CNOT1: variants seen among roughly 807,000 people sequenced by gnomAD.
CNOT1 encodes the protein CCR4-NOT transcription complex subunit 1.
A neutral mutation model predicts 273.8 loss-of-function variants in CNOT1; 15 were observed. That is an observed-to-expected ratio of 0.05 (90% CI 0.04 to 0.08). The LOEUF is 0.08. Ranked by LOEUF, CNOT1 falls within the 10% of genes least tolerant of loss-of-function variation. CNOT1 has a pLI of 1.00. For missense variants in CNOT1, 1,644 were observed against 2,912.2 expected (o/e 0.56, Z 10.02); for synonymous variants, 1,022 against 1,005.5 (o/e 1.02, Z -0.31).
chr16:58,520,649 T>TG lies in CNOT1; in HGVS notation c.*308dup, dbSNP rs1367325483. ...ATTACAAGGTACCAGTTTATGTACT[T>TG]GCCTTGGACACAGCTTGCACAAAGC... is the stretch of plus-strand genomic sequence containing the variant. On this transcript the variant is annotated 3_prime_UTR_variant, in exon 49 of 49. Transcript: ENST00000317147. 8 of 366,882 alleles carry TG rather than the reference T, an allele frequency of 2.2e-5. No homozygotes were observed. The highest frequency in any genetic ancestry group is 4.1e-5 in the Non-Finnish European group (8 of 196,126). The allele number at this position is 366,882 out of a possible 1,614,324, so 22.7% of individuals were successfully genotyped here. A position where few individuals can be genotyped will look rare whatever the true frequency, so the allele number is the denominator to read the frequency against.
Position 58,547,791 on chromosome 16 carries a change from T to C in CNOT1, c.3523-109A>G. On this transcript the variant is annotated intron_variant, in intron 25 of 48. Transcript: ENST00000317147. This position sits in a 1 kb window ranked among gnomAD's most constrained non-coding sequence, Gnocchi z 4.0. ...TATCCTAAAGACAAGTCATCATTTC[T>C]AAGAACAGGCCCCAAAGTAGAATTA... The C allele has an allele frequency of 9.4e-7, 1 of 1,066,836 alleles. No individual in the cohort carries two copies. The allele number at this position is 1,066,836 out of a possible 1,614,324, so 66.1% of individuals were successfully genotyped here.
At position 58,551,829 on chromosome 16, in the gene CNOT1, T is replaced by C. The variant is rs11860588; in HGVS notation, c.2971-10A>G. On this transcript the variant is annotated splice_polypyrimidine_tract_variant and intron_variant, in intron 22 of 48. Transcript: ENST00000317147. ...GTCCATACTCAATATACTAAAAGGGTAGGGAGAGGAAAAAGAGTTAACCTT... is the reference window on the plus strand; with the variant it reads ...GTCCATACTCAATATACTAAAAGGGCAGGGAGAGGAAAAAGAGTTAACCTT... 47 of 1,612,662 alleles carry C rather than the reference T, an allele frequency of 2.9e-5. No individual in the cohort carries two copies. In the South Asian group the frequency reaches 4.5e-4, roughly 15 times the overall value.
intron 1 of CNOT1, among the ~76,000 whole-genome samples, chr16:58,629,181 G>A (rs1252213117): frequency 2.0e-5 from 3 of 151,572 alleles, no homozygotes; most frequent in Non-Finnish European, 2.9e-5. Flanking sequence ...CTTTGACAAC[G>A]TGCTGGGGGC....
chr16:58,597,260 G>C (rs899090599), intron 2 of CNOT1, among the ~76,000 whole-genome samples: 8 of 152,008 alleles, frequency 5.3e-5, no homozygotes, highest in African/African-American at 1.9e-4. Flanking sequence ...CATGGCCTGA[G>C]GTCAGGAGTT....
intron 15 of CNOT1, 114 bp from the exon 16 acceptor site, chr16:58,574,874 C>T (rs1567416404): frequency 6.4e-7 from 1 of 1,559,280 alleles, no homozygotes; most frequent in East Asian, 2.3e-5. Flanking sequence ...ATCTTCATTG[C>T]CATTTAAAAA....
intron 42 of CNOT1, among the ~76,000 whole-genome samples, chr16:58,531,323 G>A (rs1348628254): frequency 6.6e-6 from 1 of 152,148 alleles, no homozygotes; most frequent in African/African-American, 2.4e-5. Flanking sequence ...CCAAAGAATG[G>A]TACTTTCTGC....
intron 16 of CNOT1, 65 bp downstream of exon 16, chr16:58,574,544 G>A (rs570550266): frequency 7.6e-6 from 11 of 1,448,154 alleles, no homozygotes; most frequent in African/African-American, 2.9e-5. Flanking sequence ...CTCTTCTTCC[G>A]CAAGTCTACA....
intron 16 of CNOT1, among the ~76,000 whole-genome samples, chr16:58,564,853 T>C (rs981671332): frequency 6.6e-6 from 1 of 152,032 alleles, no homozygotes; most frequent in Non-Finnish European, 1.5e-5. Flanking sequence ...GGAGAATCGC[T>C]TGAACCTGGG....
intron 39 of CNOT1, 47 bp from the exon 40 acceptor site, chr16:58,534,442 A>G: frequency 6.3e-7 from 1 of 1,592,338 alleles, no homozygotes; most frequent in Non-Finnish European, 8.6e-7. Context: ...AACACACACA[A>G]ATAAACTTCA....
intron 24 of CNOT1, among the ~76,000 whole-genome samples, chr16:58,550,519 T>C (rs1481567237): frequency 6.6e-6 from 1 of 152,228 alleles, no homozygotes; most frequent in Non-Finnish European, 1.5e-5. Flanking sequence ...ATAGTTTTTC[T>C]AGTTTATTTT....
rs184179278 is a variant in CNOT1 at position 58,576,255 on chromosome 16, C to T, written c.1704+208G>A. Among the ~76,000 whole-genome samples, 305 of 152,116 alleles carry T rather than the reference C, an allele frequency of 2.0e-3. 1 individual carries two copies. Among genetic ancestry groups the T allele is most frequent in the African/African-American group, 6.9e-3 (286 of 41,500 alleles). On this transcript the variant is annotated intron_variant, in intron 14 of 48. Transcript: ENST00000317147. Reference sequence around the variant, plus strand: ...CCTCCTGAGTAGCTGGGATTACAGGCACGCACTCCACGCCCGGCTAATTTT... The same window carrying T: ...CCTCCTGAGTAGCTGGGATTACAGGTACGCACTCCACGCCCGGCTAATTTT...
intron 45 of CNOT1, 137 bp from the exon 46 acceptor site, chr16:58,525,496 G>T: frequency 4.1e-6 from 3 of 723,578 alleles, no homozygotes; most frequent in Non-Finnish European, 6.7e-6. Flanking sequence ...GAATTTGTGA[G>T]GTTATTTAAC....
chr16:58,539,644 C>A, intron 35 of CNOT1, 124 bp downstream of exon 35: 3 of 1,002,910 alleles, frequency 3.0e-6, no homozygotes, highest in Non-Finnish European at 4.0e-6. Context: ...AAATCACCTA[C>A]TTACAGAACT....
chr16:58,604,806 A>C (rs1454999003), intron 1 of CNOT1, among the ~76,000 whole-genome samples: 2 of 126,028 alleles, frequency 1.6e-5, no homozygotes, highest in African/African-American at 6.5e-5. Flanking sequence ...TAAAAAAAAA[A>C]AACAAAAAAC....
chr16:58,534,277 G>A lies in CNOT1; in HGVS notation c.5765C>T (p.Ala1922Val), dbSNP rs2039862577. 1.2e-6 allele frequency: 2 copies of A among 1,614,146 alleles called. No homozygotes were observed. The highest frequency in any genetic ancestry group is 1.3e-5 in the African/African-American group (1 of 75,036). Residue 1922 changes from alanine to valine, a missense_variant, in exon 40 of 49, where the codon GCT becomes GTT. Ala to Val is a moderately conservative substitution (Grantham distance 64, BLOSUM62 0). Transcript: ENST00000317147. ...GGCTCGGATCATGGTGGGATTGGCA[G>A]CAGGATTGTGCTGCTGCTCAGCCTG... ...RAQAEQQHNP[A>V]ANPTMIRAKC... is the part of the protein sequence containing the mutation.
In CNOT1 at chr16:58,547,192, A is replaced by G; in HGVS notation, c.3744T>C (p.Arg1248=). 1.2e-6 allele frequency: 2 copies of G among 1,612,448 alleles called. No individual in the cohort carries two copies. The highest frequency in any genetic ancestry group is 1.7e-6 in the Non-Finnish European group (2 of 1,179,346). Residue 1248 remains arginine, a synonymous_variant, in exon 27 of 49, where the codon CGT becomes CGC. Transcript: ENST00000317147. The surrounding 1 kb of genome is among the most constrained non-coding windows in gnomAD (Gnocchi z 4.0). Reference sequence around the variant, plus strand: ...AATATTAAAATCTACTCACCACACTACGAATGCTAGATTCTAAGACTTTGG... The same window carrying G: ...AATATTAAAATCTACTCACCACACTGCGAATGCTAGATTCTAAGACTTTGG... ...FVAKVLESSI[R]SVVFRPPNPW...
chr16:58,604,802 AAAAAAAC>A lies in CNOT1; in HGVS notation c.-174-5298_-174-5292del, dbSNP rs1419677506. Among the ~76,000 whole-genome samples the A allele has an allele frequency of 2.6e-3, 344 of 134,332 alleles. 3 individuals are homozygous for A. The highest frequency in any genetic ancestry group is 9.0e-3 in the African/African-American group (307 of 34,152). 88.1% of individuals were successfully genotyped at this position (134,332 alleles called of 152,430 possible). On this transcript the variant is annotated intron_variant, in intron 1 of 48. Transcript: ENST00000317147. ...ACAAGAGCGAAACTCCGTCTAAAAA[AAAAAAAC>A]AAAAAACAAAAAAAAAATTAAAAAA... is the stretch of plus-strand genomic sequence containing the variant.
At chr16:58,593,580 A>AG (rs1445173301) in intron 2 of CNOT1, among the ~76,000 whole-genome samples, 4 of 151,500 alleles carry the variant, frequency 2.6e-5, no homozygotes, top group African/African-American at 9.7e-5. Flanking sequence ...AAAAAAAAAA[A>AG]AAAGTTAGCC....
rs747079500 is a variant in CNOT1, at chr16:58,555,927, G to C, written c.2480-19C>G. On this transcript the variant is annotated intron_variant, in intron 19 of 48. Transcript: ENST00000317147. ...AAGTCCGCTGTTGGAAACAAAAAAG[G>C]AATCAGTGGGCATTTAAGCCCTTCC... 5 of 1,608,554 alleles carry C rather than the reference G, an allele frequency of 3.1e-6. No homozygotes were observed. The African/African-American group carries it at 6.7e-5, about 21-fold the overall frequency.
Sources: allele counts gnomAD v4.1 joint callset (sites outside exome capture counted in the v4.1 genomes callset), GRCh38; gene constraint gnomAD v4.1.1; non-coding constraint Gnocchi (gnomAD v3.1); transcripts MANE v1.5; gene names NCBI Gene and HGNC (gene_info 2026-07-23, HGNC 2026-07-21).